CPXM2: variants seen among roughly 807,000 people sequenced by gnomAD.
CPXM2 encodes carboxypeptidase X, M14 family member 2.
In CPXM2, 66 loss-of-function variants were observed where a neutral mutation model predicts 86.1. That is an observed-to-expected ratio of 0.77 (90% CI 0.63 to 0.94). The LOEUF is 0.94. Among genes scored for constraint, CPXM2 ranks in the 40% least tolerant of loss-of-function variants. CPXM2 has a pLI of 0.00. For missense variants in CPXM2, 948 were observed against 1,026.3 expected (o/e 0.92, Z 1.04); for synonymous variants, 388 against 400.2 (o/e 0.97, Z 0.36).
chr10:123,849,121 T>C (rs531045725), intron 3 of CPXM2, among the ~76,000 whole-genome samples: 45 of 152,348 alleles, frequency 3.0e-4, no homozygotes, highest in African/African-American at 1.0e-3. Context: ...CATCCGTGTT[T>C]CTTAGATATT....
At chr10:123,847,679 T>C (rs1302285165) in intron 3 of CPXM2, among the ~76,000 whole-genome samples, 1 of 152,134 alleles carries the variant, frequency 6.6e-6, no homozygotes, top group Non-Finnish European at 1.5e-5. Context: ...TTAAAACAAG[T>C]TTTAAAAAGC....
At chr10:123,892,106 G>A (rs1271464804), upstream of CPXM2, 1 of 152,292 alleles carries the variant, frequency 6.6e-6, no homozygotes, top group Non-Finnish European at 1.5e-5. Context: ...GTGGAGAAAC[G>A]TGACCTGAGA....
intron 4 of CPXM2, among the ~76,000 whole-genome samples, chr10:123,813,217 A>ACCCC (rs1189042965): frequency 1.3e-5 from 2 of 152,208 alleles, no homozygotes; most frequent in African/African-American, 4.8e-5. Flanking sequence ...GAGCAACTGT[A>ACCCC]TTAACATTTT....
intron 4 of CPXM2, among the ~76,000 whole-genome samples, chr10:123,829,057 A>G (rs186671949): frequency 2.0e-5 from 3 of 152,372 alleles, no homozygotes; most frequent in Admixed American, 2.0e-4. Flanking sequence ...AACATGGACA[A>G]AAGACAGGAA....
At chr10:123,892,901 C>T (rs975639334), upstream of CPXM2, among the ~76,000 whole-genome samples, 1 of 152,164 alleles carries the variant, frequency 6.6e-6, no homozygotes, top group South Asian at 2.1e-4. Context: ...CCCTGGTCCT[C>T]GCACGTGGGC....
At chr10:123,832,826 T>TAAAAAAAAAAAAAAAAA (rs537178892) in intron 4 of CPXM2, among the ~76,000 whole-genome samples, 4 of 133,564 alleles carry the variant, frequency 3.0e-5, no homozygotes, top group African/African-American at 1.3e-4. Context: ...AAACTCTGTC[T>TAAAAAAAAAAAAAAAAA]AAAAAAAAAA....
In CPXM2 at chr10:123,795,836, C is replaced by T. The variant is rs149944696; in HGVS notation, c.889+2140G>A. On this transcript the variant is annotated intron_variant, in intron 6 of 13. Transcript: ENST00000241305. Reference sequence around the variant, plus strand: ...GCCCTCCAGGGCCCATCTTCAAACACGCACACACCAAGAATAACTTCACAG... The same window carrying T: ...GCCCTCCAGGGCCCATCTTCAAACATGCACACACCAAGAATAACTTCACAG... Among the ~76,000 whole-genome samples the T allele has an allele frequency of 1.0e-3, 153 of 152,266 alleles. 3 individuals carry two copies. In the East Asian group the frequency reaches 0.028, roughly 28 times the overall value.
chr10:123,756,428 C>T (rs7089490), intron 12 of CPXM2, among the ~76,000 whole-genome samples: 2 of 152,108 alleles, frequency 1.3e-5, no homozygotes, highest in Admixed American at 6.5e-5. Flanking sequence ...GTCCAAGGTT[C>T]TCAGCGGAGG....
At position 123,813,710 on chromosome 10, in the gene CPXM2, T is replaced by C. The variant is rs932491064; in HGVS notation, c.654-14511A>G. On this transcript the variant is annotated intron_variant, in intron 4 of 13. Coordinates refer to ENST00000241305, the MANE Select transcript of CPXM2 (RefSeq NM_198148.3). The stretch of plus-strand genomic sequence containing the variant: ...TCTAGATCTTAGTGAATTTTTCTAA[T>C]GACTGTAATGTCAGTTGTCTTCAAT... Among the ~76,000 whole-genome samples the C allele has an allele frequency of 3.9e-5, 6 of 152,248 alleles. 1 individual carries two copies. The highest frequency in any genetic ancestry group is 8.8e-5 in the Non-Finnish European group (6 of 68,034).
At chr10:123,780,289 C>T in intron 6 of CPXM2, 34 bp from the exon 7 acceptor site, 1 of 1,308,230 alleles carries the variant, frequency 7.6e-7, no homozygotes, top group South Asian at 1.2e-5. Flanking sequence ...CATTTACTCC[C>T]ATCATTCTAT....
At chr10:123,894,124 T>G (rs1331690016), upstream of CPXM2, among the ~76,000 whole-genome samples, 5 of 152,252 alleles carry the variant, frequency 3.3e-5, no homozygotes, top group Admixed American at 3.3e-4. Context: ...AAGCTAGTGA[T>G]GGCCAGGACT....
chr10:123,784,141 A>G (rs1361414064), intron 6 of CPXM2, among the ~76,000 whole-genome samples: 4 of 152,272 alleles, frequency 2.6e-5, no homozygotes, highest in Admixed American at 2.6e-4. Context: ...TGAAGTCATT[A>G]AGTGAGTCCT....
Position 123,845,814 on chromosome 10 carries a change from A to T in CPXM2, c.514-3326T>A, listed in dbSNP as rs1848483118. On this transcript the variant is annotated intron_variant, in intron 3 of 13. Coordinates refer to ENST00000241305, the MANE Select transcript of CPXM2 (RefSeq NM_198148.3). Reference sequence around the variant, plus strand: ...TAAAGAAAAGATTCTAAAAGTTTCCAAAGAGGAAACAAGCAGTAAAAGGAA... The same window carrying T: ...TAAAGAAAAGATTCTAAAAGTTTCCTAAGAGGAAACAAGCAGTAAAAGGAA... Among the ~76,000 whole-genome samples, 3 of 152,236 alleles carry T rather than the reference A, an allele frequency of 2.0e-5. 1 individual carries two copies. In the South Asian group the frequency reaches 6.2e-4, roughly 32 times the overall value.
Position 123,757,194 on chromosome 10 carries a change from C to G in CPXM2, c.1917+19G>C. On this transcript the variant is annotated intron_variant, in intron 12 of 13. Coordinates refer to ENST00000241305, the MANE Select transcript of CPXM2 (RefSeq NM_198148.3). The stretch of plus-strand genomic sequence containing the variant: ...CCCCAGCTAGTCCCCCTCATCCCAG[C>G]CACACACCCGCAATATACCTGCTCC... 6.2e-7 allele frequency: 1 copy of G among 1,610,740 alleles called. No individual in the cohort carries two copies. Among genetic ancestry groups the G allele is most frequent in the Non-Finnish European group, 8.5e-7 (1 of 1,177,338 alleles).
intron 6 of CPXM2, among the ~76,000 whole-genome samples, chr10:123,792,184 G>T (rs1412597476): frequency 1.3e-5 from 2 of 152,198 alleles, no homozygotes; most frequent in Non-Finnish European, 2.9e-5. Flanking sequence ...ATGGGATCTG[G>T]TGACCTTAGA....
At chr10:123,915,821 C>T (rs1945530058) in intron 2 of CPXM2, among the ~76,000 whole-genome samples, 1 of 152,164 alleles carries the variant, frequency 6.6e-6, no homozygotes, top group African/African-American at 2.4e-5. Context: ...GCTCTATGAA[C>T]TTTCCAGTCC....
chr10:123,834,879 A>G (rs572530720), intron 4 of CPXM2, among the ~76,000 whole-genome samples: 2 of 152,154 alleles, frequency 1.3e-5, no homozygotes, highest in Admixed American at 1.3e-4. Flanking sequence ...TGGTTGTTAA[A>G]AGAAGCCTGG....
At chr10:123,881,635 A>C (rs759223169) in intron 1 of CPXM2, among the ~76,000 whole-genome samples, 19 of 152,180 alleles carry the variant, frequency 1.2e-4, no homozygotes, top group Non-Finnish European at 2.2e-4. Context: ...CTACAGCCTG[A>C]GAGTGGGAGA....
intron 2 of CPXM2, among the ~76,000 whole-genome samples, chr10:123,911,003 T>C (rs757988359): frequency 4.6e-5 from 7 of 152,218 alleles, no homozygotes; most frequent in Non-Finnish European, 1.0e-4. Flanking sequence ...TGTCTGTGTC[T>C]GTGTCCAAAT....
Sources: gnomAD v4.1 joint callset for allele counts (sites outside exome capture counted in the v4.1 genomes callset) on GRCh38, gnomAD v4.1.1 for gene constraint, MANE v1.5 for transcripts, NCBI Gene and HGNC (gene_info 2026-07-23, HGNC 2026-07-21) for gene names.